The following ZC3H12B variants were observed in gnomAD, a reference collection of about 807,000 sequenced individuals.
The protein encoded by ZC3H12B is zinc finger CCCH-type containing 12B.
Under a neutral mutation model 43.9 loss-of-function variants are expected in ZC3H12B, and 7 were observed. The ratio of observed to expected loss-of-function variants is 0.16; its 90% CI spans 0.09 to 0.30. The LOEUF is 0.30. ZC3H12B is among the 10% of genes least tolerant of loss of function. The pLI is 1.00. For missense variants in ZC3H12B, 475 were observed against 670.2 expected (o/e 0.71, Z 3.22); for synonymous variants, 222 against 241.7 (o/e 0.92, Z 0.76).
chrX:65,397,000 CT>C (rs1423835506), intron 2 of ZC3H12B, among the ~76,000 whole-genome samples: 4 of 111,425 alleles, frequency 3.6e-5, no homozygotes, highest in African/African-American at 1.3e-4. Flanking sequence ...TTAAAGTCTG[CT>C]TTATCAGAGA....
At chrX:65,288,525 C>T in the ZC3H12B span, among the ~76,000 whole-genome samples, 4 of 112,351 alleles carry the variant, frequency 3.6e-5, no homozygotes, top group Non-Finnish European at 5.6e-5. Flanking sequence ...AAATGTGATA[C>T]GTCACATGAC....
At chrX:65,043,048 G>A in the ZC3H12B span, among the ~76,000 whole-genome samples, 4 of 111,428 alleles carry the variant, frequency 3.6e-5, no homozygotes, top group South Asian at 3.7e-4. Context: ...CAATATCTAC[G>A]AATTCCAATT....
At chrX:65,129,732 T>C in the ZC3H12B span, among the ~76,000 whole-genome samples, 1 of 110,003 alleles carries the variant, frequency 9.1e-6, no homozygotes, top group African/African-American at 3.3e-5. Flanking sequence ...CATAAAATAG[T>C]GTTGAAGTGT....
the ZC3H12B span, among the ~76,000 whole-genome samples, chrX:65,193,609 G>A: frequency 8.1e-5 from 9 of 110,777 alleles, no homozygotes; most frequent in Non-Finnish European, 1.7e-4. Context: ...TTGTGTTGTT[G>A]ATTTTTTTAT....
the ZC3H12B span, among the ~76,000 whole-genome samples, chrX:65,211,772 TATATA>T: frequency 4.8e-5 from 4 of 83,288 alleles, no homozygotes; most frequent in African/African-American, 9.7e-5. Context: ...TAATGTATGT[TATATA>T]ATATATTATA....
chrX:65,449,931 T>G (rs1369772232), intron 3 of ZC3H12B, among the ~76,000 whole-genome samples: 1 of 111,422 alleles, frequency 9.0e-6, no homozygotes, highest in Non-Finnish European at 1.9e-5. Context: ...ATCAGTGTGC[T>G]AAAATCTCAG....
At chrX:65,056,282 A>G in the ZC3H12B span, among the ~76,000 whole-genome samples, 1 of 111,084 alleles carries the variant, frequency 9.0e-6, no homozygotes, top group African/African-American at 3.3e-5. Context: ...AGATTCTGGT[A>G]TGTTGTGTCT....
At chrX:65,063,117 C>A in the ZC3H12B span, among the ~76,000 whole-genome samples, 1 of 111,735 alleles carries the variant, frequency 8.9e-6, no homozygotes, top group East Asian at 2.8e-4. Context: ...CAGACACAAT[C>A]TGACTTTTTT....
the ZC3H12B span, among the ~76,000 whole-genome samples, chrX:65,311,334 A>G: frequency 5.3e-5 from 6 of 112,382 alleles, no homozygotes; most frequent in Admixed American, 4.7e-4. Flanking sequence ...TGGGCAAAGG[A>G]TATGAACAGA....
chrX:65,302,513 G>T, the ZC3H12B span, among the ~76,000 whole-genome samples: 2 of 111,707 alleles, frequency 1.8e-5, no homozygotes, highest in African/African-American at 6.5e-5. Flanking sequence ...AATTAAAGAA[G>T]AACTAAATAA....
the ZC3H12B span, among the ~76,000 whole-genome samples, chrX:65,229,560 T>A: frequency 9.0e-6 from 1 of 111,055 alleles, no homozygotes; most frequent in African/African-American, 3.3e-5. Context: ...AAAGAACTTC[T>A]GCACAGCAAA....
At chrX:65,155,780 AGCTTGGGAGTACTAG>A in the ZC3H12B span, among the ~76,000 whole-genome samples, 1 of 110,916 alleles carries the variant, frequency 9.0e-6, no homozygotes, top group Non-Finnish European at 1.9e-5. Flanking sequence ...AGATCACTTC[AGCTTGGGAGTACTAG>A]GCTACAGAGA....
the ZC3H12B span, among the ~76,000 whole-genome samples, chrX:65,241,425 A>C: frequency 2.4e-5 from 2 of 82,371 alleles, no homozygotes; most frequent in African/African-American, 4.6e-5. Flanking sequence ...TGCCTAGTTG[A>C]CTGAACCACA....
chrX:65,389,887 C>A (rs1429216361), intron 2 of ZC3H12B, among the ~76,000 whole-genome samples: 1 of 112,055 alleles, frequency 8.9e-6, no homozygotes, highest in Non-Finnish European at 1.9e-5. Context: ...TAGCATTTGA[C>A]CCAGCCATCT....
the ZC3H12B span, among the ~76,000 whole-genome samples, chrX:65,338,570 ACT>A: frequency 8.9e-6 from 1 of 111,814 alleles, no homozygotes; most frequent in South Asian, 3.7e-4. Flanking sequence ...AGAAAATAAA[ACT>A]CTATGCCAAT....
the ZC3H12B span, among the ~76,000 whole-genome samples, chrX:65,310,118 C>A: frequency 1.5e-4 from 17 of 111,992 alleles, no homozygotes; most frequent in East Asian, 2.2e-3. Flanking sequence ...CTCACCACTC[C>A]TATTCAACAT....
chrX:65,405,120 A>T (rs928188976), intron 3 of ZC3H12B, among the ~76,000 whole-genome samples: 1 of 112,217 alleles, frequency 8.9e-6, no homozygotes, highest in African/African-American at 3.2e-5. Context: ...CGATGAAACA[A>T]TTTTTGTAAA....
chrX:65,122,525 C>T, the ZC3H12B span, among the ~76,000 whole-genome samples: 3 of 111,284 alleles, frequency 2.7e-5, no homozygotes, highest in Non-Finnish European at 3.8e-5. Context: ...ATCAAATTCA[C>T]ACATAACATT....
the ZC3H12B span, among the ~76,000 whole-genome samples, chrX:65,216,418 C>T: frequency 3.6e-5 from 4 of 111,106 alleles, no homozygotes; most frequent in African/African-American, 1.3e-4. Context: ...ATGGAGGGAG[C>T]ATTTATAACA....
Sources: gnomAD v4.1 joint callset for allele counts (sites outside exome capture counted in the v4.1 genomes callset) on GRCh38, gnomAD v4.1.1 for gene constraint, MANE v1.5 for transcripts, NCBI Gene and HGNC (gene_info 2026-07-23, HGNC 2026-07-21) for gene names.